Variants in ASB5 observed in about 807,000 individuals in gnomAD.
ASB5 encodes the protein ankyrin repeat and SOCS box protein 5.
ASB5 carries 45 observed loss-of-function variants against 42.1 expected under a neutral mutation model. The ratio of observed to expected loss-of-function variants is 1.07; its 90% CI spans 0.84 to 1.37. ASB5 has a LOEUF of 1.37. ASB5 is among the 40% of genes most tolerant of loss of function. The pLI, the probability that ASB5 is intolerant of heterozygous loss-of-function variation, is 0.00. For synonymous variants in ASB5, 147 were observed against 150.6 expected (o/e 0.98, Z 0.18); for missense variants, 402 against 399.8 (o/e 1.01, Z -0.05).
chr4:176,229,998 C>G (rs961380809), intron 1 of ASB5, among the ~76,000 whole-genome samples: 6 of 152,118 alleles, frequency 3.9e-5, no homozygotes, highest in African/African-American at 1.4e-4. Flanking sequence ...AGGAAAAAAG[C>G]TGAGGGGCTG....
intron 1 of ASB5, among the ~76,000 whole-genome samples, chr4:176,264,180 G>A (rs1003381963): frequency 6.6e-6 from 1 of 152,130 alleles, no homozygotes; most frequent in African/African-American, 2.4e-5. Context: ...AGCGCCTGAA[G>A]AGCTTGAGTG....
chr4:176,241,982 C>A (rs998111597), intron 1 of ASB5, among the ~76,000 whole-genome samples: 3 of 152,158 alleles, frequency 2.0e-5, no homozygotes, highest in Admixed American at 1.3e-4. Flanking sequence ...ACTGCACATA[C>A]ACCTGGGACG....
intron 1 of ASB5, among the ~76,000 whole-genome samples, chr4:176,231,218 A>C (rs1365399434): frequency 1.0e-5 from 1 of 98,794 alleles, no homozygotes; most frequent in Admixed American, 1.1e-4. Flanking sequence ...GGTAAATCCG[A>C]CTCATAATTT....
chr4:176,259,490 A>G (rs1406736041), intron 1 of ASB5, among the ~76,000 whole-genome samples: 1 of 152,220 alleles, frequency 6.6e-6, no homozygotes, highest in Non-Finnish European at 1.5e-5. Context: ...TCACTACCAA[A>G]GTCACCGCTG....
chr4:176,225,340 A>G lies in ASB5; in HGVS notation c.198T>C (p.Gly66=), dbSNP rs1265625736. 6.2e-7 allele frequency: 1 copy of G among 1,612,664 alleles called. No homozygotes were observed. The highest frequency in any genetic ancestry group is 8.5e-7 in the Non-Finnish European group (1 of 1,179,634). The change falls in exon 2 of 7, where the codon GGT becomes GGC. Residue 66 remains glycine, a splice_region_variant and synonymous_variant. Transcript: ENST00000296525. ...AEFYGVTQGQ[G]SWADRSPLHE... ...GTAGTGGTGATCGATCTGCCCAGGAACCTGTCAAAAAAGAAAAAAAGAAAG... is the reference window on the plus strand; with the variant it reads ...GTAGTGGTGATCGATCTGCCCAGGAGCCTGTCAAAAAAGAAAAAAAGAAAG...
intron 1 of ASB5, chr4:176,241,365 A>G: frequency 2.0e-6 from 2 of 983,644 alleles, no homozygotes; most frequent in East Asian, 2.7e-5. Flanking sequence ...TAGAAAAAAA[A>G]TGAATGTTTA....
intron 1 of ASB5, among the ~76,000 whole-genome samples, chr4:176,249,787 C>T (rs577047195): frequency 7.2e-5 from 11 of 152,186 alleles, no homozygotes; most frequent in South Asian, 2.1e-4. Flanking sequence ...GTGAGTTGGC[C>T]GGGCGCGGTG....
intron 1 of ASB5, among the ~76,000 whole-genome samples, chr4:176,247,641 A>G (rs1012226090): frequency 6.6e-6 from 1 of 152,216 alleles, no homozygotes; most frequent in African/African-American, 2.4e-5. Flanking sequence ...TGAAAAATGG[A>G]CTTACACCAT....
In ASB5 at chr4:176,215,574, A is replaced by G. The variant is rs1475005376; in HGVS notation, c.*26T>C. 1 of 1,596,094 alleles carries G rather than the reference A, an allele frequency of 6.3e-7. No individual in the cohort carries two copies. The highest frequency in any genetic ancestry group is 1.4e-5 in the African/African-American group (1 of 73,998). Reference sequence around the variant, plus strand: ...AAAAGAAATAGAAATTTTGATTTTCAAGGTATTTAGAATTACTTTACTGTT... The same window carrying G: ...AAAAGAAATAGAAATTTTGATTTTCGAGGTATTTAGAATTACTTTACTGTT... On this transcript the variant is annotated 3_prime_UTR_variant, in exon 7 of 7. Coordinates refer to ENST00000296525, the MANE Select transcript of ASB5 (RefSeq NM_080874.4).
intron 1 of ASB5, among the ~76,000 whole-genome samples, chr4:176,246,985 G>T (rs1387200498): frequency 6.6e-6 from 1 of 152,098 alleles, no homozygotes; most frequent in Non-Finnish European, 1.5e-5. Flanking sequence ...TAATAAGAGA[G>T]CTTAGAAAAG....
In ASB5 at chr4:176,230,548, C is replaced by A. The variant is rs1239402864; in HGVS notation, c.197-5207G>T. 3.3e-5 allele frequency among the ~76,000 whole-genome samples: 5 copies of A among 151,842 alleles called. No homozygotes were observed. In the East Asian group the frequency reaches 9.7e-4, roughly 29 times the overall value. On this transcript the variant is annotated intron_variant, in intron 1 of 6. Transcript: ENST00000296525. ...CCCTGTTATTTATTTTCTTGTAATCCCTTAGAAGAATTTATGTAATTAATC... is the reference window on the plus strand; with the variant it reads ...CCCTGTTATTTATTTTCTTGTAATCACTTAGAAGAATTTATGTAATTAATC...
At chr4:176,229,006 T>C (rs1406823514) in intron 1 of ASB5, among the ~76,000 whole-genome samples, 1 of 152,178 alleles carries the variant, frequency 6.6e-6, no homozygotes, top group African/African-American at 2.4e-5. Flanking sequence ...TGCAAACAGA[T>C]TGCATATGTG....
intron 1 of ASB5, among the ~76,000 whole-genome samples, chr4:176,228,101 C>T (rs112710764): frequency 3.3e-4 from 50 of 152,244 alleles, no homozygotes; most frequent in African/African-American, 1.1e-3. Context: ...AACTATGATT[C>T]GAAGTTTTAG....
At chr4:176,254,407 A>G (rs1754108091) in intron 1 of ASB5, among the ~76,000 whole-genome samples, 1 of 152,184 alleles carries the variant, frequency 6.6e-6, no homozygotes, top group African/African-American at 2.4e-5. Flanking sequence ...TACAAAAATT[A>G]ATTCAAAATT....
intron 1 of ASB5, among the ~76,000 whole-genome samples, chr4:176,257,118 G>T (rs181828341): frequency 5.7e-4 from 87 of 152,272 alleles, no homozygotes; most frequent in Admixed American, 2.4e-3. Context: ...CTTTTAAGAA[G>T]GATGGTTTGG....
chr4:176,246,371 C>T (rs1216331997), intron 1 of ASB5, among the ~76,000 whole-genome samples: 1 of 152,122 alleles, frequency 6.6e-6, no homozygotes, highest in Non-Finnish European at 1.5e-5. Flanking sequence ...ACCTTTCAGA[C>T]CACCTATCAG....
At chr4:176,228,735 C>A (rs1403418763) in intron 1 of ASB5, among the ~76,000 whole-genome samples, 5 of 152,106 alleles carry the variant, frequency 3.3e-5, no homozygotes, top group African/African-American at 1.2e-4. Flanking sequence ...AAGGTCATAA[C>A]TTATAGGAAA....
intron 1 of ASB5, among the ~76,000 whole-genome samples, chr4:176,249,935 G>T (rs1753995476): frequency 6.6e-6 from 1 of 151,650 alleles, no homozygotes; most frequent in Non-Finnish European, 1.5e-5. Flanking sequence ...CGTGGTGACG[G>T]GCGCCTGTAG....
chr4:176,233,299 C>T (rs1318347596), intron 1 of ASB5, among the ~76,000 whole-genome samples: 1 of 152,150 alleles, frequency 6.6e-6, no homozygotes, highest in Non-Finnish European at 1.5e-5. Context: ...TAGATATTGT[C>T]AAAATTTAGT....
Sources: gnomAD v4.1 joint callset for allele counts (sites outside exome capture counted in the v4.1 genomes callset) on GRCh38, gnomAD v4.1.1 for gene constraint, MANE v1.5 for transcripts, NCBI Gene and HGNC (gene_info 2026-07-23, HGNC 2026-07-21) for gene names.